The following TJP1 variants were observed in gnomAD, a reference collection of about 807,000 sequenced individuals.
TJP1 encodes the protein tight junction protein ZO-1.
Under a neutral mutation model 194.2 loss-of-function variants are expected in TJP1, and 43 were observed. That is an observed-to-expected ratio of 0.22 (90% CI 0.17 to 0.29). The LOEUF is 0.29. TJP1 is among the 10% of genes least tolerant of loss of function. TJP1 has a pLI of 1.00. For missense variants in TJP1, 1,971 were observed against 2,185.7 expected (o/e 0.90, Z 1.96); for synonymous variants, 801 against 779.0 (o/e 1.03, Z -0.47).
intron 2 of TJP1, among the ~76,000 whole-genome samples, chr15:29,915,506 TGATTTCC>T (rs2054155689): frequency 6.6e-6 from 1 of 152,222 alleles, no homozygotes; most frequent in East Asian, 1.9e-4. Flanking sequence ...TTATCAAAGA[TGATTTCC>T]AAACCATACA....
chr15:29,961,077 T>C (rs77491906), intron 1 of TJP1, among the ~76,000 whole-genome samples: 2 of 152,268 alleles, frequency 1.3e-5, no homozygotes, highest in African/African-American at 4.8e-5. Flanking sequence ...GCTGCGTACC[T>C]GTAACTCAGG....
In TJP1 at chr15:29,718,137, A is replaced by C. The variant is rs1295436598; in HGVS notation, c.3877-19T>G. 6.3e-7 allele frequency: 1 copy of C among 1,590,554 alleles called. No individual in the cohort carries two copies. On this transcript the variant is annotated intron_variant, in intron 21 of 27. Transcript: ENST00000614355. ...CTGGAGGCTGTTTAAAAAAAAAAAA[A>C]AAAAAAAGACAAATATGCCTAAGGA...
chr15:29,714,044 A>G (rs138024552), intron 23 of TJP1, among the ~76,000 whole-genome samples: 1 of 152,206 alleles, frequency 6.6e-6, no homozygotes, highest in Non-Finnish European at 1.5e-5. Flanking sequence ...TGCACCTAGT[A>G]TACCATGCCC....
intron 2 of TJP1, among the ~76,000 whole-genome samples, chr15:29,913,627 T>C (rs910207647): frequency 4.6e-5 from 7 of 152,144 alleles, no homozygotes; most frequent in Non-Finnish European, 8.8e-5. Context: ...CAGAGACACT[T>C]ATGAAGATCG....
chr15:29,950,166 CAACCA>C (rs2055671591), intron 2 of TJP1, among the ~76,000 whole-genome samples: 3 of 110,450 alleles, frequency 2.7e-5, no homozygotes, highest in Non-Finnish European at 5.7e-5. Context: ...ACCACCACCA[CAACCA>C]CTACCTCCAC....
At chr15:29,924,617 G>C (rs963413347) in intron 2 of TJP1, among the ~76,000 whole-genome samples, 1 of 152,102 alleles carries the variant, frequency 6.6e-6, no homozygotes, top group African/African-American at 2.4e-5. Context: ...AGCACCTACT[G>C]CCTTCTCTGA....
At chr15:29,841,655 A>C (rs2051229364) in intron 2 of TJP1, among the ~76,000 whole-genome samples, 1 of 151,974 alleles carries the variant, frequency 6.6e-6, no homozygotes, top group African/African-American at 2.4e-5. Flanking sequence ...AGGATTAATA[A>C]ATTCTCAAGA....
chr15:29,957,688 A>AT (rs2055999455), intron 1 of TJP1, among the ~76,000 whole-genome samples: 1 of 152,182 alleles, frequency 6.6e-6, no homozygotes, highest in African/African-American at 2.4e-5. Flanking sequence ...TTGTTTTCCT[A>AT]TGTTTGTTAC....
At chr15:29,937,720 G>A (rs1376598566) in intron 2 of TJP1, among the ~76,000 whole-genome samples, 1 of 152,202 alleles carries the variant, frequency 6.6e-6, no homozygotes, top group East Asian at 1.9e-4. Context: ...AAGAAGGGCA[G>A]CAGCGCGACC....
intron 2 of TJP1, among the ~76,000 whole-genome samples, chr15:29,851,300 T>C (rs1011215775): frequency 6.6e-6 from 1 of 152,028 alleles, no homozygotes; most frequent in Non-Finnish European, 1.5e-5. Flanking sequence ...GGGATATCAC[T>C]ACAGACCCTA....
intron 2 of TJP1, among the ~76,000 whole-genome samples, chr15:29,789,115 T>C (rs2151796442): frequency 6.6e-6 from 1 of 152,056 alleles, no homozygotes; most frequent in East Asian, 1.9e-4. Flanking sequence ...GTTTCACCTG[T>C]TTTTCTTTTT....
rs756573849 is a variant in TJP1, at chr15:29,720,056, T to C, written c.2764-40A>G. 24 of 1,547,312 alleles carry C rather than the reference T, an allele frequency of 1.6e-5. No homozygotes were observed. The African/African-American group carries it at 3.3e-4, about 21-fold the overall frequency. ...AAATATTTTAAATATAGTGTTTCTG[T>C]TTACTGCTAACTTTCCACTTCAATT... On this transcript the variant is annotated intron_variant, in intron 19 of 27. Coordinates refer to ENST00000614355, the MANE Select transcript of TJP1 (RefSeq NM_001330239.4).
chr15:29,721,146 A>C (rs911935638), intron 18 of TJP1, among the ~76,000 whole-genome samples: 5 of 152,250 alleles, frequency 3.3e-5, no homozygotes, highest in African/African-American at 1.2e-4. Context: ...CCAACAGTTC[A>C]AAAGTTGAAT....
At chr15:29,818,352 C>T (rs2050079942) in intron 1 of TJP1, among the ~76,000 whole-genome samples, 1 of 152,356 alleles carries the variant, frequency 6.6e-6, no homozygotes, top group African/African-American at 2.4e-5. Flanking sequence ...ATTCATACCA[C>T]TTTCTTACAC....
At chr15:29,735,211 A>T (rs2043946905) in intron 11 of TJP1, among the ~76,000 whole-genome samples, 1 of 151,802 alleles carries the variant, frequency 6.6e-6, no homozygotes, top group African/African-American at 2.4e-5. Flanking sequence ...TCCAGATTAA[A>T]AAAGAAAAAA....
In TJP1 at chr15:29,726,933, T is replaced by C; in HGVS notation, c.2159A>G (p.Gln720Arg). ...AAGAAATACAACAATTGGATACCAC[T>C]GGGCATAGTTAAGACGATCAACTGC... Reference protein sequence around the residue: ...PNAVDRLNYAQWYPIVVFLNP... With the variant: ...PNAVDRLNYARWYPIVVFLNP... Residue 720 changes from glutamine (Q) to arginine (R), a missense_variant, in exon 17 of 28, where the codon CAG (glutamine) becomes CGG (arginine). Coordinates refer to ENST00000614355, the MANE Select transcript of TJP1 (RefSeq NM_001330239.4). The C allele has an allele frequency of 6.2e-7, 1 of 1,614,216 alleles. No homozygotes were observed. The highest frequency in any genetic ancestry group is 1.3e-5 in the African/African-American group (1 of 75,046).
At chr15:29,924,804 C>T (rs1259946336) in intron 2 of TJP1, among the ~76,000 whole-genome samples, 2 of 152,120 alleles carry the variant, frequency 1.3e-5, no homozygotes, top group African/African-American at 4.8e-5. Context: ...ACCCTAGGGC[C>T]GGTTTGCAAG....
At chr15:29,782,216 C>T (rs1368723798) in intron 2 of TJP1, among the ~76,000 whole-genome samples, 2 of 151,834 alleles carry the variant, frequency 1.3e-5, no homozygotes, top group Non-Finnish European at 2.9e-5. Flanking sequence ...TCATATGGAA[C>T]CAAAAAAGAG....
intron 1 of TJP1, chr15:29,820,569 T>A (rs1430708672): frequency 1.4e-6 from 1 of 716,686 alleles, no homozygotes; most frequent in African/African-American, 1.7e-5. Flanking sequence ...TCTCCATACT[T>A]GAAATAACCT....
Sources: gnomAD v4.1 joint callset for allele counts (sites outside exome capture counted in the v4.1 genomes callset) on GRCh38, gnomAD v4.1.1 for gene constraint, MANE v1.5 for transcripts, NCBI Gene and HGNC (gene_info 2026-07-23, HGNC 2026-07-21) for gene names.